TANC1: variants seen among roughly 807,000 people sequenced by gnomAD.
TANC1 encodes tetratricopeptide repeat, ankyrin repeat and coiled-coil containing 1.
A neutral mutation model predicts 149.7 loss-of-function variants in TANC1; 77 were observed. That is an observed-to-expected ratio of 0.51 (90% confidence interval 0.43 to 0.62). The LOEUF is 0.62. Ranked by LOEUF, TANC1 falls within the 20% of genes least tolerant of loss-of-function variation. The pLI is 0.00. For synonymous variants in TANC1, 854 were observed against 925.0 expected (o/e 0.92, Z 1.39); for missense variants, 1,985 against 2,321.8 (o/e 0.85, Z 2.98).
chr2:159,229,176 T>C, intron 26 of TANC1, among the ~76,000 whole-genome samples: 1 of 152,072 alleles, frequency 6.6e-6, no homozygotes, highest in East Asian at 1.9e-4. Context: ...CCTAGTTTAG[T>C]CCATATTTCA....
rs372455576 is a variant in TANC1 at position 159,174,935 on chromosome 2, G to A, written c.1504-18G>A. 4.9e-5 allele frequency: 78 copies of A among 1,601,428 alleles called. No individual in the cohort carries two copies. The highest frequency in any genetic ancestry group is 3.3e-4 in the Middle Eastern group (2 of 6,060). On this transcript the variant is annotated intron_variant, in intron 11 of 26. Transcript: ENST00000263635. ...GTGAAGAGGGTGAGGTGATGCTGAC[G>A]GTTCTGCTTCCCCCTAGGTGGTGGC...
At chr2:159,210,046 G>A (rs2058878166) in intron 19 of TANC1, among the ~76,000 whole-genome samples, 1 of 152,070 alleles carries the variant, frequency 6.6e-6, no homozygotes, top group Non-Finnish European at 1.5e-5. Context: ...GCAGAGCCCA[G>A]CCGCCCTGCC....
chr2:159,077,185 G>A (rs2043784825), intron 3 of TANC1, among the ~76,000 whole-genome samples: 1 of 150,598 alleles, frequency 6.6e-6, no homozygotes, highest in African/African-American at 2.4e-5. Flanking sequence ...AGGCTCCCTA[G>A]TTGCTGCGCT....
At chr2:158,969,822 TTCTCCC>T (rs1188369844) in intron 1 of TANC1, among the ~76,000 whole-genome samples, 1 of 152,212 alleles carries the variant, frequency 6.6e-6, no homozygotes, top group African/African-American at 2.4e-5. Flanking sequence ...GGCAACGGCC[TTCTCCC>T]AGCCCCCTCC....
chr2:159,140,686 ATTTTTTTTTTTTTT>A (rs375936311), intron 5 of TANC1, among the ~76,000 whole-genome samples: 1 of 109,802 alleles, frequency 9.1e-6, no homozygotes, highest in Non-Finnish European at 1.8e-5. Flanking sequence ...GAGATTCTCT[ATTTTTTTTTTTTTT>A]TTTTTTTGAG....
intron 10 of TANC1, 79 bp downstream of exon 10, chr2:159,170,884 A>T: frequency 6.7e-7 from 1 of 1,499,492 alleles, no homozygotes; most frequent in Non-Finnish European, 9.1e-7. Context: ...TAGACATAAA[A>T]TACCAATTTT....
intron 7 of TANC1, among the ~76,000 whole-genome samples, chr2:159,153,064 C>T (rs2053030178): frequency 6.6e-6 from 1 of 152,150 alleles, no homozygotes; most frequent in Admixed American, 6.5e-5. Context: ...ATTTAATTTT[C>T]TCTCCAGATG....
At chr2:159,219,492 G>A in intron 21 of TANC1, 131 bp downstream of exon 21, 1 of 1,395,418 alleles carries the variant, frequency 7.2e-7, no homozygotes, top group Non-Finnish European at 1.0e-6. Flanking sequence ...ACAGTAGAGA[G>A]AATAGGCAAC....
chr2:159,187,968 T>C (rs993978748), intron 16 of TANC1, among the ~76,000 whole-genome samples: 7 of 152,260 alleles, frequency 4.6e-5, no homozygotes, highest in Admixed American at 4.6e-4. Flanking sequence ...TTAAAGGTAC[T>C]GCATAATAGT....
intron 2 of TANC1, among the ~76,000 whole-genome samples, chr2:159,045,206 C>G (rs1398562291): frequency 6.6e-6 from 1 of 152,152 alleles, no homozygotes; most frequent in East Asian, 1.9e-4. Flanking sequence ...CTCCTGTAAT[C>G]CTAGCACTTT....
intron 22 of TANC1, among the ~76,000 whole-genome samples, chr2:159,220,830 C>T (rs949130436): frequency 1.3e-5 from 2 of 152,158 alleles, no homozygotes; most frequent in Non-Finnish European, 2.9e-5. Context: ...GATCACCCCA[C>T]CTTGGCTTCT....
intron 5 of TANC1, among the ~76,000 whole-genome samples, chr2:159,143,647 A>G (rs985883421): frequency 2.0e-5 from 3 of 151,832 alleles, no homozygotes; most frequent in Non-Finnish European, 4.4e-5. Flanking sequence ...AATTAACTAA[A>G]AAGACTCCTG....
intron 3 of TANC1, among the ~76,000 whole-genome samples, chr2:159,069,765 CTTTTTTTT>C (rs67843631): frequency 1.8e-5 from 2 of 109,366 alleles, no homozygotes; most frequent in Non-Finnish European, 1.8e-5. Flanking sequence ...TATGTGCAAG[CTTTTTTTT>C]TTTTTTTTTT....
chr2:159,141,196 G>A (rs892288443), intron 5 of TANC1, among the ~76,000 whole-genome samples: 25 of 152,158 alleles, frequency 1.6e-4, no homozygotes, highest in African/African-American at 5.8e-4. Flanking sequence ...AGGCCTACTT[G>A]CTGGTTCATA....
chr2:159,229,919 A>G lies in TANC1; in HGVS notation c.4493A>G (p.Lys1498Arg), dbSNP rs2060248912. The G allele has an allele frequency of 6.2e-7, 1 of 1,614,040 alleles. No homozygotes were observed. The highest frequency in any genetic ancestry group is 1.7e-5 in the Admixed American group (1 of 60,020). ...AACCTTCAAGAAGGGTTACAGTCCA[A>G]AGGAAGGCCGGTATCGCCACAGAGC... ...IRNLQEGLQSKGRPVSPQSRA... is the reference protein window; with the variant it reads ...IRNLQEGLQSRGRPVSPQSRA... Residue 1498 changes from lysine to arginine, a missense_variant, in exon 27 of 27, where the codon AAA becomes AGA. By Grantham distance (26) the Lys-to-Arg change is conservative (BLOSUM62 2). This residue lies in a region of TANC1 where 920 missense variants were observed against 994.7 expected (regional missense o/e 0.92). Transcript: ENST00000263635.
At chr2:159,018,598 T>C (rs1426188926) in intron 2 of TANC1, among the ~76,000 whole-genome samples, 1 of 152,320 alleles carries the variant, frequency 6.6e-6, no homozygotes, top group South Asian at 2.1e-4. Flanking sequence ...TCTCCAGAAC[T>C]TTTTTATCAC....
intron 3 of TANC1, among the ~76,000 whole-genome samples, chr2:159,080,804 G>A (rs950454301): frequency 6.6e-6 from 1 of 152,176 alleles, no homozygotes; most frequent in East Asian, 1.9e-4. Context: ...TCTGTGTACA[G>A]CCCGGCTCCT....
At chr2:159,068,438 A>C (rs2042856468) in intron 3 of TANC1, among the ~76,000 whole-genome samples, 1 of 152,218 alleles carries the variant, frequency 6.6e-6, no homozygotes, top group South Asian at 2.1e-4. Flanking sequence ...AGACATGTCT[A>C]AAAACTTGAG....
At chr2:158,977,681 CTTAGAG>C (rs1375864550) in intron 1 of TANC1, among the ~76,000 whole-genome samples, 1 of 151,430 alleles carries the variant, frequency 6.6e-6, no homozygotes, top group African/African-American at 2.4e-5. Flanking sequence ...ATTTAAGTCA[CTTAGAG>C]TTAGGTATTT....
Sources: allele counts gnomAD v4.1 joint callset (sites outside exome capture counted in the v4.1 genomes callset), GRCh38; gene constraint gnomAD v4.1.1; regional missense constraint gnomAD v4.1.1; transcripts MANE v1.5; gene names NCBI Gene and HGNC (gene_info 2026-07-23, HGNC 2026-07-21).